Variants in SPMAP2L observed in about 807,000 individuals in gnomAD.
The protein encoded by SPMAP2L is sperm microtubule associated protein 2-like.
At chr4:56,587,456 TC>T in the SPMAP2L span, among the ~76,000 whole-genome samples, 1 of 152,030 alleles carries the variant, frequency 6.6e-6, no homozygotes, top group Non-Finnish European at 1.5e-5. Context: ...TAGTCTTTTG[TC>T]CCTCACCCCC....
chr4:56,609,723 G>A, the SPMAP2L span, among the ~76,000 whole-genome samples: 3 of 152,114 alleles, frequency 2.0e-5, no homozygotes, highest in African/African-American at 7.2e-5. Flanking sequence ...CCTTAATAAA[G>A]AGCTTGAGAG....
At chr4:56,613,450 C>T in the SPMAP2L span, among the ~76,000 whole-genome samples, 8 of 152,134 alleles carry the variant, frequency 5.3e-5, no homozygotes, top group African/African-American at 1.7e-4. Context: ...TTCAATGTTG[C>T]CCCCTGCAGA....
At chr4:56,556,544 A>C in the SPMAP2L span, among the ~76,000 whole-genome samples, 3 of 152,114 alleles carry the variant, frequency 2.0e-5, no homozygotes, top group Non-Finnish European at 4.4e-5. Flanking sequence ...AACTGGACAG[A>C]CTCATTTGGG....
the SPMAP2L span, among the ~76,000 whole-genome samples, chr4:56,565,928 TTTA>T: frequency 1.3e-5 from 2 of 152,224 alleles, no homozygotes; most frequent in South Asian, 4.1e-4. Flanking sequence ...CAGCTTTCTT[TTTA>T]TTATTGTTAG....
the SPMAP2L span, among the ~76,000 whole-genome samples, chr4:56,532,573 C>T: frequency 6.6e-6 from 1 of 152,162 alleles, no homozygotes; most frequent in East Asian, 1.9e-4. Context: ...CTCTCCCCTT[C>T]CACCAGCATC....
the SPMAP2L span, among the ~76,000 whole-genome samples, chr4:56,613,730 C>T: frequency 5.9e-5 from 9 of 152,132 alleles, no homozygotes; most frequent in African/African-American, 2.2e-4. Flanking sequence ...ACATAGTTGA[C>T]TACTGATGGG....
the SPMAP2L span, among the ~76,000 whole-genome samples, chr4:56,564,133 A>ATTT: frequency 7.5e-6 from 1 of 133,640 alleles, no homozygotes; most frequent in African/African-American, 2.8e-5. Flanking sequence ...AATCTGTGGA[A>ATTT]TTTTTTTTTT....
At chr4:56,611,232 A>G in the SPMAP2L span, among the ~76,000 whole-genome samples, 430 of 152,338 alleles carry the variant, frequency 2.8e-3, 1 homozygote, top group African/African-American at 9.7e-3. Flanking sequence ...AGAAACTGGT[A>G]TATGTATATG....
chr4:56,564,004 GT>G, the SPMAP2L span, among the ~76,000 whole-genome samples: 1 of 151,986 alleles, frequency 6.6e-6, no homozygotes, highest in Non-Finnish European at 1.5e-5. Context: ...TGGTGAGAAG[GT>G]TTTTTAACTA....
the SPMAP2L span, among the ~76,000 whole-genome samples, chr4:56,536,909 A>G: frequency 1.3e-3 from 200 of 152,146 alleles, 3 homozygotes; most frequent in African/African-American, 4.5e-3. Flanking sequence ...GATTACAAGT[A>G]TGCACCACCA....
chr4:56,558,063 G>A, the SPMAP2L span, among the ~76,000 whole-genome samples: 1 of 152,016 alleles, frequency 6.6e-6, no homozygotes, highest in Non-Finnish European at 1.5e-5. Context: ...CCACCTCCCA[G>A]TTCCAAGTGA....
At chr4:56,596,716 A>G in the SPMAP2L span, 2 of 1,295,890 alleles carry the variant, frequency 1.5e-6, no homozygotes, top group Non-Finnish European at 2.0e-6. Flanking sequence ...GCATAGCCCA[A>G]AGTCACTGGA....
the SPMAP2L span, among the ~76,000 whole-genome samples, chr4:56,559,114 AGTAGAGACGAG>A: frequency 6.6e-6 from 1 of 151,750 alleles, no homozygotes; most frequent in South Asian, 2.1e-4. Flanking sequence ...TTGTAGTTTT[AGTAGAGACGAG>A]GTTTCACCAT....
the SPMAP2L span, among the ~76,000 whole-genome samples, chr4:56,550,958 GA>G: frequency 0.95 from 140,313 of 147,644 alleles, 66,736 homozygotes; most frequent in Middle Eastern, 0.97. Flanking sequence ...ATCTCTAACA[GA>G]AAAAAAAAAA....
the SPMAP2L span, among the ~76,000 whole-genome samples, chr4:56,578,549 G>A: frequency 6.6e-6 from 1 of 151,874 alleles, no homozygotes; most frequent in South Asian, 2.1e-4. Flanking sequence ...CCAATAAAAA[G>A]ACAGGATAAA....
At chr4:56,601,245 T>A in the SPMAP2L span, 1 of 912,192 alleles carries the variant, frequency 1.1e-6, no homozygotes, top group Non-Finnish European at 1.6e-6. Context: ...CTTAACGAAT[T>A]ACATTTATTG....
chr4:56,613,170 G>A, the SPMAP2L span, among the ~76,000 whole-genome samples: 5 of 152,128 alleles, frequency 3.3e-5, no homozygotes, highest in African/African-American at 7.2e-5. Context: ...GACATGTTAC[G>A]GGCAGTAAGG....
At chr4:56,567,018 A>G in the SPMAP2L span, among the ~76,000 whole-genome samples, 2 of 152,046 alleles carry the variant, frequency 1.3e-5, no homozygotes, top group South Asian at 4.1e-4. Flanking sequence ...TTATAATGGT[A>G]TATTACCATT....
the SPMAP2L span, among the ~76,000 whole-genome samples, chr4:56,535,178 A>C: frequency 1.5e-4 from 23 of 152,288 alleles, 2 homozygotes; most frequent in South Asian, 4.8e-3. Flanking sequence ...CCATTTCTTA[A>C]CATTTAAAAT....
Sources: gnomAD v4.1 joint callset for allele counts (sites outside exome capture counted in the v4.1 genomes callset) on GRCh38, gnomAD v4.1.1 for gene constraint, MANE v1.5 for transcripts, NCBI Gene and HGNC (gene_info 2026-07-23, HGNC 2026-07-21) for gene names.